The following ARHGDIA variants were observed in gnomAD, a reference collection of about 807,000 sequenced individuals.
The protein encoded by ARHGDIA is rho GDP-dissociation inhibitor 1.
Under a neutral mutation model 25.0 loss-of-function variants are expected in ARHGDIA, and 9 were observed. The ratio of observed to expected loss-of-function variants is 0.36; its 90% CI spans 0.22 to 0.63. The LOEUF (loss-of-function observed/expected upper bound fraction) is 0.63. Ranked by LOEUF, ARHGDIA falls within the 20% of genes least tolerant of loss-of-function variation. ARHGDIA has a pLI of 0.69. For synonymous variants in ARHGDIA, 166 were observed against 111.5 expected (o/e 1.49, Z -3.08); for missense variants, 239 against 264.3 (o/e 0.90, Z 0.66).
intron 2 of ARHGDIA, 50 bp downstream of exon 2, chr17:81,869,691 G>C: frequency 6.4e-7 from 1 of 1,568,332 alleles, no homozygotes; most frequent in Non-Finnish European, 8.6e-7. Flanking sequence ...GGAGCGGCAA[G>C]ACAGCTGGAG....
rs2039239846 is a variant in ARHGDIA at position 81,870,031 on chromosome 17, T to C, written c.-27-74A>G. On this transcript the variant is annotated intron_variant, in intron 1 of 5. Coordinates refer to ENST00000269321, the MANE Select transcript of ARHGDIA (RefSeq NM_004309.6). ...CGCACTTCTGAGCAGGAGTGTGGGC[T>C]GCAGCCGGAGCTCCAAAAGGGCTCC... 26 of 1,443,308 alleles carry C rather than the reference T, an allele frequency of 1.8e-5. 1 individual carries two copies. In the South Asian group the frequency reaches 3.0e-4, roughly 17 times the overall value. The allele number at this position is 1,443,308 out of a possible 1,614,324, so 89.4% of individuals were successfully genotyped here.
intron 1 of ARHGDIA, chr17:81,870,960 C>A (rs1253643099): frequency 6.6e-6 from 1 of 151,030 alleles, no homozygotes; most frequent in Non-Finnish European, 1.5e-5. Flanking sequence ...TCAGGTCTGG[C>A]CCGGGCCCCA....
rs1276578045 is a variant in ARHGDIA at position 81,868,901 on chromosome 17, G to A, written c.590C>T (p.Thr197Ile). 2 of 1,613,528 alleles carry A rather than the reference G, an allele frequency of 1.2e-6. No homozygotes were observed. Among genetic ancestry groups the A allele is most frequent in the African/African-American group, 1.3e-5 (1 of 74,942 alleles). ...TCAGTCCTTCCAGTCCTTCTTGATG[G>A]TGAGATTCCACTCCCAGGACAGGTG... The part of the protein sequence containing the change: ...TDHLSWEWNL[T>I]IKKDWKD The change falls in exon 6 of 6, where the codon ACC becomes ATC. Residue 197 changes from threonine to isoleucine, a missense_variant. Thr to Ile is a moderately conservative substitution (Grantham distance 89). Around this residue, in one of 3 missense-constraint regions of ARHGDIA, gnomAD observed 29 missense variants for 22.0 expected, o/e 1.32. Transcript: ENST00000269321.
At position 81,869,146 on chromosome 17, in the gene ARHGDIA, C is replaced by T. The variant is rs755667117; in HGVS notation, c.415+27G>A. 4.0e-5 allele frequency: 64 copies of T among 1,613,066 alleles called. 1 individual carries two copies. The South Asian group carries it at 6.9e-4, about 17-fold the overall frequency. The stretch of plus-strand genomic sequence containing the variant: ...TGGCAGCACGCACCCAAGCGGCCCC[C>T]TCTGCCCTGCCCGGGGCCCCACTCA... On this transcript the variant is annotated intron_variant, in intron 5 of 5. Transcript: ENST00000269321.
Position 81,868,252 on chromosome 17 carries a change from C to G in ARHGDIA, c.*624G>C, listed in dbSNP as rs923178523. 30 of 1,056,972 alleles carry G rather than the reference C, an allele frequency of 2.8e-5. No individual in the cohort carries two copies. The African/African-American group carries it at 3.7e-4, about 13-fold the overall frequency. 65.5% of individuals were successfully genotyped at this position (1,056,972 alleles called of 1,614,324 possible). The stretch of plus-strand genomic sequence containing the variant: ...GGCTGGGGAGCAGCAGCAGCACACC[C>G]CACGTGTCCCTGGGTCACTGGGTTC... On this transcript the variant is annotated 3_prime_UTR_variant, in exon 6 of 6. Transcript: ENST00000269321.
rs982079574 is a variant in ARHGDIA, at chr17:81,868,449, C to A, written c.*427G>T. 4 of 1,486,386 alleles carry A rather than the reference C, an allele frequency of 2.7e-6. No homozygotes were observed. Among genetic ancestry groups the A allele is most frequent in the East Asian group, 2.5e-5 (1 of 40,388 alleles). 92.1% of individuals were successfully genotyped at this position (1,486,386 alleles called of 1,614,324 possible). ...GGGCTGGAGGACGGCCCGGCCCCCACGAGGCCGTGCATCCCACACCCCAGC... is the reference window on the plus strand; with the variant it reads ...GGGCTGGAGGACGGCCCGGCCCCCAAGAGGCCGTGCATCCCACACCCCAGC... On this transcript the variant is annotated 3_prime_UTR_variant, in exon 6 of 6. Coordinates refer to ENST00000269321, the MANE Select transcript of ARHGDIA (RefSeq NM_004309.6).
chr17:81,871,088 G>C (rs2143444926), intron 1 of ARHGDIA: 1 of 144,718 alleles, frequency 6.9e-6, no homozygotes, highest in Middle Eastern at 3.5e-3. Context: ...GCCGCCGCCC[G>C]GTCCCGCCCC....
Position 81,868,023 on chromosome 17 carries a change from T to G in ARHGDIA, c.*853A>C. 1 of 221,040 alleles carries G rather than the reference T, an allele frequency of 4.5e-6. No homozygotes were observed. The highest frequency in any genetic ancestry group is 1.7e-4 in the South Asian group (1 of 5,776). The allele number at this position is 221,040 out of a possible 1,614,324, so 13.7% of individuals were successfully genotyped here. On this transcript the variant is annotated 3_prime_UTR_variant, in exon 6 of 6. Transcript: ENST00000269321. ...CCTGGCTGGGCCCAGGTGGGGTGAGTGAGGCTGTCCATCGAGGGCTCTTGG... is the reference window on the plus strand; with the variant it reads ...CCTGGCTGGGCCCAGGTGGGGTGAGGGAGGCTGTCCATCGAGGGCTCTTGG...
intron 5 of ARHGDIA, 40 bp downstream of exon 5, chr17:81,869,132 AC>A (rs1335324265): frequency 6.2e-7 from 1 of 1,612,380 alleles, no homozygotes; most frequent in Non-Finnish European, 8.5e-7. Flanking sequence ...GGCAGCACGC[AC>A]CCAAGCGGCC....
rs546790617 is a variant in ARHGDIA at position 81,868,836 on chromosome 17, C to T, written c.*40G>A. ...GGGGGGGACACATCCGCCTGTCCGT[C>T]GTCCGTCCGTCAGTCTGCCCTGCCC... On this transcript the variant is annotated 3_prime_UTR_variant, in exon 6 of 6. Coordinates refer to ENST00000269321, the MANE Select transcript of ARHGDIA (RefSeq NM_004309.6). The T allele has an allele frequency of 9.2e-5, 148 of 1,612,332 alleles. No individual in the cohort carries two copies. The Middle Eastern group carries it at 1.2e-3, about 13-fold the overall frequency.
Position 81,868,238 on chromosome 17 carries a change from A to C in ARHGDIA, c.*638T>G. 1 of 909,980 alleles carries C rather than the reference A, an allele frequency of 1.1e-6. No individual in the cohort carries two copies. The highest frequency in any genetic ancestry group is 1.6e-6 in the Non-Finnish European group (1 of 638,348). The allele number at this position is 909,980 out of a possible 1,614,324, so 56.4% of individuals were successfully genotyped here. A position where few individuals can be genotyped will look rare whatever the true frequency, so the allele number is the denominator to read the frequency against. On this transcript the variant is annotated 3_prime_UTR_variant, in exon 6 of 6. Coordinates refer to ENST00000269321, the MANE Select transcript of ARHGDIA (RefSeq NM_004309.6). The stretch of plus-strand genomic sequence containing the variant: ...GCCAGGCACTGGTGGGCTGGGGAGC[A>C]GCAGCAGCACACCCCACGTGTCCCT...
At position 81,869,772 on chromosome 17, in the gene ARHGDIA, C is replaced by A; in HGVS notation, c.159G>T (p.Glu53Asp). ...KDDESLRKYK[E>D]ALLGRVAVSA... ...AAACGGCCACGCGGCCCAGCAGGGC[C>A]TCCTTGTACTTTCGCAGGCTCTCGT... The change falls in exon 2 of 6, where the codon GAG becomes GAT. Residue 53 changes from glutamate to aspartate, a missense_variant. By Grantham distance (45) the Glu-to-Asp change is conservative (BLOSUM62 2). Transcript: ENST00000269321. The A allele has an allele frequency of 6.2e-7, 1 of 1,613,886 alleles. No individual in the cohort carries two copies.
rs1448976064 is a variant in ARHGDIA, at chr17:81,868,707, G to A, written c.*169C>T. On this transcript the variant is annotated 3_prime_UTR_variant, in exon 6 of 6. Coordinates refer to ENST00000269321, the MANE Select transcript of ARHGDIA (RefSeq NM_004309.6). The stretch of plus-strand genomic sequence containing the variant: ...GGCCTGTGGGTGGGGGAGGGCTGAG[G>A]AGGGGGGTCGGAGGCACTCGGTTGA... The A allele has an allele frequency of 3.9e-6, 6 of 1,533,980 alleles. No homozygotes were observed. The highest frequency in any genetic ancestry group is 4.4e-6 in the Non-Finnish European group (5 of 1,146,338).
chr17:81,868,508 GGCAACCACGGGGCCTGGAGAATGGCT>G lies in ARHGDIA; in HGVS notation c.*342_*367del. 15 of 1,530,206 alleles carry G rather than the reference GGCAACCACGGGGCCTGGAGAATGGCT, an allele frequency of 9.8e-6. No individual in the cohort carries two copies. Among genetic ancestry groups the G allele is most frequent in the Non-Finnish European group, 1.3e-5 (15 of 1,143,164 alleles). The allele number at this position is 1,530,206 out of a possible 1,614,324, so 94.8% of individuals were successfully genotyped here. A position where few individuals can be genotyped will look rare whatever the true frequency, so the allele number is the denominator to read the frequency against. Reference sequence around the variant, plus strand: ...GGAGCAGCAGACGCACACGTCCAGGGGCAACCACGGGGCCTGGAGAATGGCTGCTCCGCTCCCTCCTGAAGCCAGGC... The same window carrying G: ...GGAGCAGCAGACGCACACGTCCAGGGGCTCCGCTCCCTCCTGAAGCCAGGC... On this transcript the variant is annotated 3_prime_UTR_variant, in exon 6 of 6. Transcript: ENST00000269321.
At position 81,868,791 on chromosome 17, in the gene ARHGDIA, G is replaced by C. The variant is rs772376841; in HGVS notation, c.*85C>G. The C allele has an allele frequency of 3.9e-6, 4 of 1,022,894 alleles. No homozygotes were observed. Among genetic ancestry groups the C allele is most frequent in the South Asian group, 2.6e-5 (2 of 77,046 alleles). 63.4% of individuals were successfully genotyped at this position (1,022,894 alleles called of 1,614,324 possible). A position where few individuals can be genotyped will look rare whatever the true frequency, so the allele number is the denominator to read the frequency against. On this transcript the variant is annotated 3_prime_UTR_variant, in exon 6 of 6. Coordinates refer to ENST00000269321, the MANE Select transcript of ARHGDIA (RefSeq NM_004309.6). ...GCACGGAGGGCCTGTCAGCACTTTG[G>C]TATGGGGAGGGGAGGGGCTGGGGGG...
rs761344643 is a variant in ARHGDIA, at chr17:81,869,594, G to C, written c.222C>G (p.Gly74=). 4 of 1,528,518 alleles carry C rather than the reference G, an allele frequency of 2.6e-6. No individual in the cohort carries two copies. Among genetic ancestry groups the C allele is most frequent in the African/African-American group, 2.8e-5 (2 of 72,432 alleles). The allele number at this position is 1,528,518 out of a possible 1,614,324, so 94.7% of individuals were successfully genotyped here. A position where few individuals can be genotyped will look rare whatever the true frequency, so the allele number is the denominator to read the frequency against. ...DPNVPNVVVT[G]LTLVCSSAPG... is the part of the protein sequence containing the mutation. The stretch of plus-strand genomic sequence containing the variant: ...GGGCCGAGCTGCACACCAGGGTCAG[G>C]CCAGTCACCACGACGTTGGGGACGT... The change falls in exon 3 of 6, where the codon GGC becomes GGG. Residue 74 remains glycine (G), a synonymous_variant. Transcript: ENST00000269321.
intron 3 of ARHGDIA, 36 bp downstream of exon 3, chr17:81,869,506 G>C: frequency 6.2e-7 from 1 of 1,607,594 alleles, no homozygotes; most frequent in Non-Finnish European, 8.5e-7. Flanking sequence ...TCCCCACCAG[G>C]GGCCGCCCGG....
chr17:81,868,738 G>GCCAGGGAGGCGGA lies in ARHGDIA; in HGVS notation c.*125_*137dup. 1 of 1,503,522 alleles carries GCCAGGGAGGCGGA rather than the reference G, an allele frequency of 6.7e-7. No homozygotes were observed. The highest frequency in any genetic ancestry group is 2.0e-5 in the Admixed American group (1 of 49,824). The allele number at this position is 1,503,522 out of a possible 1,614,324, so 93.1% of individuals were successfully genotyped here. On this transcript the variant is annotated 3_prime_UTR_variant, in exon 6 of 6. Transcript: ENST00000269321. ...GGTCGGAGGCACTCGGTTGAGCCAG[G>GCCAGGGAGGCGGA]CCAGGGAGGCGGACCAGGGTGGGAG...
rs1407196503 is a variant in ARHGDIA, at chr17:81,869,245, C to T, written c.352-9G>A. 2.5e-6 allele frequency: 4 copies of T among 1,614,136 alleles called. No homozygotes were observed. The highest frequency in any genetic ancestry group is 1.6e-4 in the Middle Eastern group (1 of 6,062). On this transcript the variant is annotated splice_polypyrimidine_tract_variant and intron_variant, in intron 4 of 5. Transcript: ENST00000269321. ...ACTATCTCTCGGTTAACCTGCAGGA[C>T]CCGAAGCGAGGATCAGGGAAGGTCG...
Sources: gnomAD v4.1 joint callset for allele counts on GRCh38, gnomAD v4.1.1 for gene constraint, gnomAD v4.1.1 regional missense constraint, MANE v1.5 for transcripts, NCBI Gene and HGNC (gene_info 2026-07-23, HGNC 2026-07-21) for gene names.